The following PRRC2C variants were observed in gnomAD, a reference collection of about 807,000 sequenced individuals.
PRRC2C encodes proline rich coiled-coil 2C.
In PRRC2C, 72 loss-of-function variants were observed where a neutral mutation model predicts 317.2. The observed-to-expected ratio is 0.23, with a 90% CI of 0.19 to 0.28. The LOEUF (loss-of-function observed/expected upper bound fraction) is 0.28, where lower values mean the gene tolerates loss of function less well. Ranked by LOEUF, PRRC2C falls within the 10% of genes least tolerant of loss-of-function variation. The probability of loss-of-function intolerance (pLI) is 1.00; values close to 1 mark genes in which losing one functional copy is unlikely to be tolerated. For missense variants in PRRC2C, 3,074 were observed against 3,459.7 expected (o/e 0.89, Z 2.80); for synonymous variants, 1,296 against 1,205.9 (o/e 1.07, Z -1.55).
intron 25 of PRRC2C, among the ~76,000 whole-genome samples, chr1:171,576,371 C>T (rs375176543): frequency 1.3e-5 from 2 of 152,286 alleles, no homozygotes; most frequent in South Asian, 2.1e-4. Context: ...CCCTTATTGC[C>T]TAGTCATCCT....
chr1:171,546,215 C>G (rs1679092570), intron 17 of PRRC2C, among the ~76,000 whole-genome samples: 1 of 151,976 alleles, frequency 6.6e-6, no homozygotes, highest in Middle Eastern at 3.2e-3. Context: ...ATAATACAAG[C>G]AACAAGAAAA....
In PRRC2C at chr1:171,507,070, CTGTT is replaced by C. The variant is rs544215339; in HGVS notation, c.-57-4959_-57-4956del. Among the ~76,000 whole-genome samples the C allele has an allele frequency of 1.8e-4, 28 of 151,968 alleles. 1 individual carries two copies. In the East Asian group the frequency reaches 3.1e-3, roughly 17 times the overall value. On this transcript the variant is annotated intron_variant, in intron 1 of 34. Transcript: ENST00000647382. ...GGGATTCAGTTAAGTTACTGGGAAACTGTTTGATCTTTTCAAGTGTAGCTTTAAG... is the reference window on the plus strand; with the variant it reads ...GGGATTCAGTTAAGTTACTGGGAAACTGATCTTTTCAAGTGTAGCTTTAAG...
intron 23 of PRRC2C, among the ~76,000 whole-genome samples, chr1:171,569,227 T>TA (rs1558023333): frequency 6.6e-6 from 1 of 151,814 alleles, no homozygotes; most frequent in Non-Finnish European, 1.5e-5. Flanking sequence ...ATCCTTTTTT[T>TA]AAAAAAATCC....
intron 17 of PRRC2C, among the ~76,000 whole-genome samples, chr1:171,549,106 A>G (rs549063705): frequency 6.6e-6 from 1 of 152,366 alleles, no homozygotes; most frequent in South Asian, 2.1e-4. Flanking sequence ...TCTACATAAA[A>G]CAGAGACATT....
At chr1:171,548,937 A>G (rs573988908) in intron 17 of PRRC2C, among the ~76,000 whole-genome samples, 2 of 151,864 alleles carry the variant, frequency 1.3e-5, no homozygotes, top group South Asian at 4.2e-4. Context: ...TTGCAGTCTC[A>G]ACCTCCCCAA....
At chr1:171,582,857 TAA>T (rs35348195) in intron 28 of PRRC2C, among the ~76,000 whole-genome samples, 11 of 148,008 alleles carry the variant, frequency 7.4e-5, no homozygotes, top group South Asian at 6.4e-4. Context: ...CTAAATTTGT[TAA>T]AAAAAAAAAA....
intron 28 of PRRC2C, among the ~76,000 whole-genome samples, chr1:171,580,921 T>C (rs997149197): frequency 2.6e-5 from 4 of 152,228 alleles, no homozygotes; most frequent in Admixed American, 2.6e-4. Flanking sequence ...CTATACTTTA[T>C]AGATTAAACC....
In PRRC2C at chr1:171,584,495, A is replaced by G. The variant is rs879898160; in HGVS notation, c.7718A>G (p.Asn2573Ser). The part of the protein sequence containing the change: ...VQQPGQTNFY[N>S]TAQSPSALQQ... ...CAGCCTGGTCAGACAAATTTTTATA[A>G]CACTGCCCAGTCACCAAGTGCTCTC... The change falls in exon 30 of 35, where the codon AAC (asparagine) becomes AGC (serine). Residue 2573 changes from asparagine to serine, a missense_variant. By Grantham distance (46) the Asn-to-Ser change is conservative. Transcript: ENST00000647382. 1.9e-6 allele frequency: 3 copies of G among 1,592,518 alleles called. No individual in the cohort carries two copies. The highest frequency in any genetic ancestry group is 2.6e-6 in the Non-Finnish European group (3 of 1,168,734).
At position 171,532,464 on chromosome 1, in the gene PRRC2C, C is replaced by A; in HGVS notation, c.1376C>A (p.Ala459Glu). The A allele has an allele frequency of 6.2e-7, 1 of 1,613,504 alleles. No individual in the cohort carries two copies. Among genetic ancestry groups the A allele is most frequent in the Non-Finnish European group, 8.5e-7 (1 of 1,179,700 alleles). Residue 459 changes from alanine (A) to glutamate (E), a missense_variant, in exon 12 of 35, where the codon GCA (alanine) becomes GAA (glutamate). Ala to Glu is a moderately radical substitution (Grantham distance 107). Around this residue, in one of 11 missense-constraint regions of PRRC2C, gnomAD observed 1,320 missense variants for 1,395.7 expected, o/e 0.95. Transcript: ENST00000647382. ...QRRRQQSEIS[A>E]AVERARKRRE... ...CGAAGACAACAATCAGAAATTTCTG[C>A]AGCAGTAGAACGTGCTCGTAAACGG...
chr1:171,580,343 G>T (rs1049876118), intron 28 of PRRC2C, among the ~76,000 whole-genome samples: 7 of 152,124 alleles, frequency 4.6e-5, no homozygotes, highest in African/African-American at 1.7e-4. Flanking sequence ...CATGTTAGGG[G>T]GTGCAGGGCA....
At chr1:171,529,593 A>G (rs968747489) in intron 11 of PRRC2C, among the ~76,000 whole-genome samples, 2 of 152,210 alleles carry the variant, frequency 1.3e-5, no homozygotes, top group African/African-American at 4.8e-5. Context: ...ACTACTTGCT[A>G]CCACCTTTTA....
rs758147404 is a variant in PRRC2C at position 171,532,890 on chromosome 1, A to C, written c.1802A>C (p.Lys601Thr). The C allele has an allele frequency of 6.3e-7, 1 of 1,581,538 alleles. No homozygotes were observed. Among genetic ancestry groups the C allele is most frequent in the Non-Finnish European group, 8.5e-7 (1 of 1,172,444 alleles). ...LEKEREKLEEKIEPREPNLEP... is the reference protein window; with the variant it reads ...LEKEREKLEETIEPREPNLEP... ...AAGGAAAGGGAAAAATTAGAGGAGA[A>C]AATTGAACCCAGAGAACCTAATTTA... The change falls in exon 12 of 35, where the codon AAA (lysine) becomes ACA (threonine). Residue 601 changes from lysine to threonine, a missense_variant. Coordinates refer to ENST00000647382, the MANE Select transcript of PRRC2C (RefSeq NM_001387844.1).
Position 171,522,206 on chromosome 1 carries a change from T to C in PRRC2C, c.780T>C (p.Tyr260=), listed in dbSNP as rs764842760. Reference sequence around the variant, plus strand: ...TCCAACAGTATCCGAGGATGACATATCCTCCTCTACATGGTCCCATGAGAT... The same window carrying C: ...TCCAACAGTATCCGAGGATGACATACCCTCCTCTACATGGTCCCATGAGAT... The part of the protein sequence containing the change: ...YMFQQYPRMT[Y]PPLHGPMRFP... The change falls in exon 7 of 35, where the codon TAT becomes TAC. Residue 260 remains tyrosine, a synonymous_variant. Transcript: ENST00000647382. 2.5e-6 allele frequency: 4 copies of C among 1,595,340 alleles called. No homozygotes were observed. Among genetic ancestry groups the C allele is most frequent in the Non-Finnish European group, 1.7e-6 (2 of 1,166,094 alleles).
chr1:171,498,205 C>G (rs1261697034), intron 1 of PRRC2C, among the ~76,000 whole-genome samples: 1 of 152,124 alleles, frequency 6.6e-6, no homozygotes, highest in African/African-American at 2.4e-5. Flanking sequence ...CCTCCTCATT[C>G]TCTTCTGACT....
chr1:171,569,184 A>G (rs1363083895), intron 23 of PRRC2C, among the ~76,000 whole-genome samples: 1 of 152,158 alleles, frequency 6.6e-6, no homozygotes, highest in South Asian at 2.1e-4. Flanking sequence ...GCCTTCTGTA[A>G]TAAGTAAAGG....
At chr1:171,565,088 T>C (rs899897599) in intron 20 of PRRC2C, among the ~76,000 whole-genome samples, 6 of 152,224 alleles carry the variant, frequency 3.9e-5, no homozygotes, top group African/African-American at 7.2e-5. Context: ...AAAAGATTAA[T>C]TGTTGTAACA....
chr1:171,556,859 C>T (rs777043251), intron 18 of PRRC2C, among the ~76,000 whole-genome samples: 4 of 152,200 alleles, frequency 2.6e-5, no homozygotes, highest in Non-Finnish European at 5.9e-5. Context: ...AGTTGTGCAT[C>T]TACCCTATAT....
intron 1 of PRRC2C, among the ~76,000 whole-genome samples, chr1:171,491,013 T>C (rs1351689239): frequency 6.6e-6 from 1 of 152,214 alleles, no homozygotes; most frequent in African/African-American, 2.4e-5. Context: ...AGTACATTTA[T>C]GTATTTCTAT....
At chr1:171,570,019 C>T (rs1684471313) in intron 23 of PRRC2C, among the ~76,000 whole-genome samples, 1 of 152,062 alleles carries the variant, frequency 6.6e-6, no homozygotes, top group Non-Finnish European at 1.5e-5. Context: ...GACCCAGCCT[C>T]ATATATAGGT....
Sources: allele counts gnomAD v4.1 joint callset (sites outside exome capture counted in the v4.1 genomes callset), GRCh38; gene constraint gnomAD v4.1.1; regional missense constraint gnomAD v4.1.1; transcripts MANE v1.5; gene names NCBI Gene and HGNC (gene_info 2026-07-23, HGNC 2026-07-21).